Variants in CUL9 observed in about 807,000 individuals in gnomAD.
The protein encoded by CUL9 is cullin-9.
A neutral mutation model predicts 272.6 loss-of-function variants in CUL9; 79 were observed. The observed-to-expected ratio is 0.29, with a 90% confidence interval of 0.24 to 0.35. The LOEUF is 0.35. CUL9 is among the 10% of genes least tolerant of loss of function. The pLI is 1.00. For missense variants in CUL9, 2,532 were observed against 3,255.6 expected, an observed-to-expected ratio of 0.78 and a Z score of 5.41; for synonymous variants, 1,186 against 1,286.5, an observed-to-expected ratio of 0.92 and a Z score of 1.67.
chr6:43,209,832 G>A (rs1775334831), intron 26 of CUL9, among the ~76,000 whole-genome samples: 1 of 151,766 alleles, frequency 6.6e-6, no homozygotes, highest in Non-Finnish European at 1.5e-5. Flanking sequence ...ATTTTTAGTA[G>A]AGACAAGGTT....
At chr6:43,196,346 C>A in intron 10 of CUL9, 81 bp downstream of exon 10, 1 of 1,352,240 alleles carries the variant, frequency 7.4e-7, no homozygotes, top group Non-Finnish European at 1.0e-6. Context: ...TCATGTACTC[C>A]ACAGAAATTC....
intron 26 of CUL9, among the ~76,000 whole-genome samples, chr6:43,208,461 C>T (rs930622908): frequency 1.1e-4 from 16 of 152,306 alleles, no homozygotes; most frequent in Admixed American, 3.3e-4. Context: ...CTGCCTTGGC[C>T]TCTCAAATTG....
intron 16 of CUL9, among the ~76,000 whole-genome samples, chr6:43,201,709 G>A (rs1774585435): frequency 6.6e-6 from 1 of 152,210 alleles, no homozygotes; most frequent in Non-Finnish European, 1.5e-5. Flanking sequence ...TCGATCTCCT[G>A]ACCTCGTGAT....
intron 6 of CUL9, 21 bp downstream of exon 6, chr6:43,187,460 C>G: frequency 1.9e-6 from 3 of 1,610,984 alleles, no homozygotes; most frequent in South Asian, 1.1e-5. Flanking sequence ...TCTGAGATAC[C>G]TGGGGGTTTT....
chr6:43,221,180 G>T lies in CUL9; in HGVS notation c.6611G>T (p.Gly2204Val). ...TAGGCACACTACCCTGCTAGCTGTG[G>T]CCATATGTCTCAGTGGGTCGACGAC... ...FPEAHYPASCGHMSQWVDDGG... is the reference protein window; with the variant it reads ...FPEAHYPASCVHMSQWVDDGG... Residue 2204 changes from glycine to valine, a missense_variant, in exon 34 of 41, where the codon GGC (glycine) becomes GTC (valine). Physicochemically the swap from Gly to Val is moderately radical, Grantham distance 109 (BLOSUM62 -3). Coordinates refer to ENST00000252050, the MANE Select transcript of CUL9 (RefSeq NM_015089.4). The surrounding 1 kb of genome is among the most constrained non-coding windows in gnomAD (Gnocchi z 4.2). 1.2e-6 allele frequency: 2 copies of T among 1,611,484 alleles called. No individual in the cohort carries two copies.
In CUL9 at chr6:43,196,799, C is replaced by T. The variant is rs762037893; in HGVS notation, c.2740C>T (p.Arg914Cys). Reference sequence around the variant, plus strand: ...AAGAACAGAACCTATGCCTACCACACGCACCATCCTCATGATGCTTCTCAA... The same window carrying T: ...AAGAACAGAACCTATGCCTACCACATGCACCATCCTCATGATGCTTCTCAA... ...APRTEPMPTT[R>C]TILMMLLNRY... The change falls in exon 11 of 41, where the codon CGC (arginine) becomes TGC (cysteine). Residue 914 changes from arginine to cysteine, a missense_variant. Arg to Cys is a radical substitution (Grantham distance 180). Around this residue, in one of 3 missense-constraint regions of CUL9, gnomAD observed 2,218 missense variants for 2,788.6 expected, o/e 0.80. Coordinates refer to ENST00000252050, the MANE Select transcript of CUL9 (RefSeq NM_015089.4). 16 of 1,614,206 alleles carry T rather than the reference C, an allele frequency of 9.9e-6. No individual in the cohort carries two copies. Among genetic ancestry groups the T allele is most frequent in the South Asian group, 7.7e-5 (7 of 91,086 alleles).
rs1045250513 is a variant in CUL9, at chr6:43,220,108, G to A, written c.6283-351G>A. On this transcript the variant is annotated intron_variant, in intron 31 of 40. Transcript: ENST00000252050. The surrounding 1 kb of genome is among the most constrained non-coding windows in gnomAD (Gnocchi z 4.9). Reference sequence around the variant, plus strand: ...GCCACCCAGGCAACCCATTTCCCAGGCCTCCTTTCTCTCGGACCTTCCTGC... The same window carrying A: ...GCCACCCAGGCAACCCATTTCCCAGACCTCCTTTCTCTCGGACCTTCCTGC... Among the ~76,000 whole-genome samples the A allele has an allele frequency of 3.9e-5, 6 of 152,142 alleles. No homozygotes were observed. The highest frequency in any genetic ancestry group is 2.6e-4 in the Admixed American group (4 of 15,276).
At position 43,206,495 on chromosome 6, in the gene CUL9, A is replaced by G; in HGVS notation, c.5197A>G (p.Ser1733Gly). The G allele has an allele frequency of 6.2e-7, 1 of 1,614,162 alleles. No homozygotes were observed. The highest frequency in any genetic ancestry group is 1.1e-5 in the South Asian group (1 of 91,082). Residue 1733 changes from serine to glycine, a missense_variant, in exon 26 of 41, where the codon AGT (serine) becomes GGT (glycine). Physicochemically the swap from Ser to Gly is moderately conservative, Grantham distance 56. Around this residue, in one of 3 missense-constraint regions of CUL9, gnomAD observed 2,218 missense variants for 2,788.6 expected, o/e 0.80. Coordinates refer to ENST00000252050, the MANE Select transcript of CUL9 (RefSeq NM_015089.4). The surrounding 1 kb of genome is among the most constrained non-coding windows in gnomAD (Gnocchi z 4.8). ...CTGTGATGCCCTTGACCGTTTCTCC[A>G]GTTTCTACAGCCAGAGTGAGGAACT... ...EFCDALDRFS[S>G]FYSQSQNHPV... is the part of the protein sequence containing the mutation.
intron 9 of CUL9, among the ~76,000 whole-genome samples, chr6:43,195,069 C>G (rs893155382): frequency 1.3e-5 from 2 of 152,090 alleles, no homozygotes; most frequent in African/African-American, 4.8e-5. Flanking sequence ...AAATCTTGCC[C>G]TGAAATAAAA....
At chr6:43,219,690 G>C (rs966545881) in intron 31 of CUL9, among the ~76,000 whole-genome samples, 2 of 152,182 alleles carry the variant, frequency 1.3e-5, no homozygotes, top group Non-Finnish European at 2.9e-5. Context: ...GCCATAGGCA[G>C]TGTGAGAGGC....
Position 43,222,312 on chromosome 6 carries a change from C to T in CUL9, c.6847-4C>T. 6.2e-7 allele frequency: 1 copy of T among 1,613,750 alleles called. No individual in the cohort carries two copies. The highest frequency in any genetic ancestry group is 1.3e-5 in the African/African-American group (1 of 75,030). ...CAATAGCCCTCCCAACGTATCCTTG[C>T]TAGGTAAGCAAGGCAGCTCGCCAGG... On this transcript the variant is annotated splice_polypyrimidine_tract_variant and splice_region_variant and intron_variant, in intron 35 of 40. Coordinates refer to ENST00000252050, the MANE Select transcript of CUL9 (RefSeq NM_015089.4).
chr6:43,186,823 T>C (rs1014386264), intron 4 of CUL9, 137 bp from the exon 5 acceptor site: 2 of 1,115,870 alleles, frequency 1.8e-6, no homozygotes, highest in South Asian at 1.6e-5. Flanking sequence ...TGGGGGTTTT[T>C]CCAGGCTTAG....
intron 1 of CUL9, among the ~76,000 whole-genome samples, chr6:43,182,589 A>G (rs757953314): frequency 2.0e-5 from 3 of 150,786 alleles, no homozygotes; most frequent in Non-Finnish European, 4.4e-5. Flanking sequence ...ACCTCCTCCT[A>G]TCCGATTCTT....
intron 7 of CUL9, 183 bp downstream of exon 7, chr6:43,188,301 C>T (rs1773108608): frequency 2.4e-6 from 2 of 821,524 alleles, no homozygotes; most frequent in South Asian, 3.7e-5. Context: ...ACCAGCGCTC[C>T]CTTCCTTCAG....
rs1358957657 is a variant in CUL9 at position 43,223,668 on chromosome 6, T to C, written c.7284+271T>C. On this transcript the variant is annotated intron_variant, in intron 39 of 40. Coordinates refer to ENST00000252050, the MANE Select transcript of CUL9 (RefSeq NM_015089.4). The surrounding 1 kb of genome is among the most constrained non-coding windows in gnomAD (Gnocchi z 4.1). ...TTGGTCAGGTGCCTATCAGAATCACTTGGGGAACTTTTCCAGACTGTACTT... is the reference window on the plus strand; with the variant it reads ...TTGGTCAGGTGCCTATCAGAATCACCTGGGGAACTTTTCCAGACTGTACTT... 7 of 542,684 alleles carry C rather than the reference T, an allele frequency of 1.3e-5. No homozygotes were observed. Among genetic ancestry groups the C allele is most frequent in the Non-Finnish European group, 2.3e-5 (7 of 304,196 alleles). The allele number at this position is 542,684 out of a possible 1,614,324, so 33.6% of individuals were successfully genotyped here.
At chr6:43,189,707 C>A in intron 8 of CUL9, among the ~76,000 whole-genome samples, 1 of 152,032 alleles carries the variant, frequency 6.6e-6, no homozygotes, top group South Asian at 2.1e-4. Context: ...CCAGGCCCAG[C>A]TAATTTTTGT....
chr6:43,202,565 G>C (rs1019933111), intron 16 of CUL9, 151 bp from the exon 17 acceptor site: 2 of 631,314 alleles, frequency 3.2e-6, no homozygotes, highest in African/African-American at 3.6e-5. Context: ...TTTTTATTTC[G>C]TAGAGGTGGG....
In CUL9 at chr6:43,184,324, G is replaced by A. The variant is rs200369406; in HGVS notation, c.14G>A (p.Arg5Gln). ...CAGGAGGTCAGGATGGTGGGGGAAC[G>A]GCATGCTGGGGACCTCATGGTGCCC... Reference protein sequence around the residue: MVGERHAGDLMVPLG... With the variant: MVGEQHAGDLMVPLG... The change falls in exon 2 of 41, where the codon CGG (arginine) becomes CAG (glutamine). Residue 5 changes from arginine (R) to glutamine (Q), a missense_variant. By Grantham distance (43) the Arg-to-Gln change is conservative. Around this residue, in one of 3 missense-constraint regions of CUL9, gnomAD observed 2,218 missense variants for 2,788.6 expected, o/e 0.80. Transcript: ENST00000252050. The surrounding 1 kb of genome is among the most constrained non-coding windows in gnomAD (Gnocchi z 4.8). 30 of 1,522,818 alleles carry A rather than the reference G, an allele frequency of 2.0e-5. No homozygotes were observed. In the Admixed American group the frequency reaches 3.2e-4, roughly 16 times the overall value. The allele number at this position is 1,522,818 out of a possible 1,614,324, so 94.3% of individuals were successfully genotyped here. A position where few individuals can be genotyped will look rare whatever the true frequency, so the allele number is the denominator to read the frequency against.
In CUL9 at chr6:43,213,668, C is replaced by T; in HGVS notation, c.5489-45C>T. 6.2e-7 allele frequency: 1 copy of T among 1,607,704 alleles called. No homozygotes were observed. Among genetic ancestry groups the T allele is most frequent in the Non-Finnish European group, 8.5e-7 (1 of 1,176,456 alleles). On this transcript the variant is annotated intron_variant, in intron 28 of 40. Coordinates refer to ENST00000252050, the MANE Select transcript of CUL9 (RefSeq NM_015089.4). The surrounding 1 kb of genome is among the most constrained non-coding windows in gnomAD (Gnocchi z 5.7). ...TGGGGTCATCTTAGTCCCCATTCATCTGTCCCTCTGCCTCCTCTGGTACCT... is the reference window on the plus strand; with the variant it reads ...TGGGGTCATCTTAGTCCCCATTCATTTGTCCCTCTGCCTCCTCTGGTACCT...
Sources: allele counts gnomAD v4.1 joint callset (sites outside exome capture counted in the v4.1 genomes callset), GRCh38; gene constraint gnomAD v4.1.1; regional missense constraint gnomAD v4.1.1; non-coding constraint Gnocchi (gnomAD v3.1); transcripts MANE v1.5; gene names NCBI Gene and HGNC (gene_info 2026-07-23, HGNC 2026-07-21).